Variants in DNMT3A observed in about 807,000 individuals in gnomAD.
The protein encoded by DNMT3A is DNA methyltransferase 3 alpha, also known as DNA (cytosine-5)-methyltransferase 3A.
Under a neutral mutation model 117.6 loss-of-function variants are expected in DNMT3A, and 267 were observed. The ratio of observed to expected loss-of-function variants is 2.27; its 90% confidence interval spans 2.05 to 2.51. DNMT3A has a LOEUF of 2.51. Among genes scored for constraint, DNMT3A ranks in the 30% most tolerant of loss-of-function variants. The pLI, the probability that DNMT3A is intolerant of heterozygous loss-of-function variation, is 0.00. For missense variants in DNMT3A, 1,029 were observed against 1,260.2 expected (o/e 0.82, Z 2.78); for synonymous variants, 432 against 474.8 (o/e 0.91, Z 1.17).
chr2:25,282,047 G>T lies in DNMT3A; in HGVS notation c.448+394C>A. ...GAGAGTAAGCAGGCCAGGTAGAGCTGCAGAAAACTAAGGCCCACAACCAGC... is the reference window on the plus strand; with the variant it reads ...GAGAGTAAGCAGGCCAGGTAGAGCTTCAGAAAACTAAGGCCCACAACCAGC... On this transcript the variant is annotated intron_variant, in intron 4 of 22. Transcript: ENST00000321117. This position sits in a 1 kb window ranked among gnomAD's most constrained non-coding sequence, Gnocchi z 5.2. The T allele has an allele frequency of 8.6e-7, 1 of 1,160,234 alleles. No individual in the cohort carries two copies. The highest frequency in any genetic ancestry group is 1.1e-6 in the Non-Finnish European group (1 of 935,280). 71.9% of individuals were successfully genotyped at this position (1,160,234 alleles called of 1,614,324 possible). A position where few individuals can be genotyped will look rare whatever the true frequency, so the allele number is the denominator to read the frequency against.
At chr2:25,259,822 G>C (rs749238287) in intron 6 of DNMT3A, among the ~76,000 whole-genome samples, 6 of 152,166 alleles carry the variant, frequency 3.9e-5, no homozygotes, top group Non-Finnish European at 8.8e-5. Flanking sequence ...AGGGTCCAAA[G>C]AGAAGACTCC....
At chr2:25,235,009 T>C (rs1201785725) in intron 22 of DNMT3A, among the ~76,000 whole-genome samples, 1 of 152,092 alleles carries the variant, frequency 6.6e-6, no homozygotes, top group African/African-American at 2.4e-5. Context: ...GAAAGTCCCA[T>C]TTGCATCAAA....
chr2:25,247,235 G>A lies in DNMT3A; in HGVS notation c.1015-77C>T. On this transcript the variant is annotated intron_variant, in intron 8 of 22. Coordinates refer to ENST00000321117, the MANE Select transcript of DNMT3A (RefSeq NM_022552.5). This position sits in a 1 kb window ranked among gnomAD's most constrained non-coding sequence, Gnocchi z 5.6. ...CACCCCATGCCTTGCAACTGGCAGGGGCTGGGAGCCTCGAGAGTCAGTCTC... is the reference window on the plus strand; with the variant it reads ...CACCCCATGCCTTGCAACTGGCAGGAGCTGGGAGCCTCGAGAGTCAGTCTC... The A allele has an allele frequency of 1.4e-6, 2 of 1,448,740 alleles. No homozygotes were observed. Among genetic ancestry groups the A allele is most frequent in the Non-Finnish European group, 1.9e-6 (2 of 1,044,792 alleles). The allele number at this position is 1,448,740 out of a possible 1,614,324, so 89.7% of individuals were successfully genotyped here.
intron 2 of DNMT3A, among the ~76,000 whole-genome samples, chr2:25,303,209 A>G (rs2033610772): frequency 6.6e-6 from 1 of 152,242 alleles, no homozygotes; most frequent in Non-Finnish European, 1.5e-5. Context: ...GAGATGTGAA[A>G]GCCAACCAGA....
At chr2:25,279,397 C>T (rs187439868) in intron 4 of DNMT3A, among the ~76,000 whole-genome samples, 2 of 152,338 alleles carry the variant, frequency 1.3e-5, no homozygotes, top group Non-Finnish European at 2.9e-5. Context: ...CACATCCTCT[C>T]CGGGGCCTTA....
intron 1 of DNMT3A, among the ~76,000 whole-genome samples, chr2:25,329,495 A>T (rs1373789828): frequency 6.6e-6 from 1 of 152,122 alleles, no homozygotes; most frequent in Non-Finnish European, 1.5e-5. Flanking sequence ...GCTTCAGACC[A>T]CACTTCAGAG....
chr2:25,237,086 C>T lies in DNMT3A; in HGVS notation c.2409-81G>A. ...CCCCAGCTGCACGACTCCCCTCCCT[C>T]CCCCAGCAGCCACTAGTTCACAGGG... On this transcript the variant is annotated intron_variant, in intron 20 of 22. Transcript: ENST00000321117. The surrounding 1 kb of genome is among the most constrained non-coding windows in gnomAD (Gnocchi z 5.4). 1.4e-6 allele frequency: 2 copies of T among 1,393,126 alleles called. No homozygotes were observed. Among genetic ancestry groups the T allele is most frequent in the East Asian group, 2.3e-5 (1 of 42,956 alleles). The allele number at this position is 1,393,126 out of a possible 1,614,324, so 86.3% of individuals were successfully genotyped here.
In DNMT3A at chr2:25,286,139, T is replaced by A. The variant is rs1171882627; in HGVS notation, c.178-3428A>T. On this transcript the variant is annotated intron_variant, in intron 3 of 22. Transcript: ENST00000321117. This position sits in a 1 kb window ranked among gnomAD's most constrained non-coding sequence, Gnocchi z 4.3. ...CACTCACTTCCTGCCTGGGACCACA[T>A]GGCCTCCTCTCATGCTGGGACTCAC... Among the ~76,000 whole-genome samples, 1 of 152,186 alleles carries A rather than the reference T, an allele frequency of 6.6e-6. No homozygotes were observed. The highest frequency in any genetic ancestry group is 2.1e-4 in the South Asian group (1 of 4,834).
intron 9 of DNMT3A, 91 bp from the exon 10 acceptor site, chr2:25,246,867 G>A: frequency 5.1e-6 from 8 of 1,562,106 alleles, no homozygotes; most frequent in Non-Finnish European, 6.1e-6. Context: ...TAGTGAGGGT[G>A]GCACAGGCAA....
rs146610591 is a variant in DNMT3A, at chr2:25,286,968, G to A, written c.178-4257C>T. 1.6e-3 allele frequency among the ~76,000 whole-genome samples: 244 copies of A among 152,332 alleles called. 2 individuals are homozygous for A. Among genetic ancestry groups the A allele is most frequent in the African/African-American group, 5.4e-3 (226 of 41,572 alleles). ...GGAGGGCAGAGACTTTGCTCGATCCGGCTAGACTTAGCAGGGAGTGGGGCA... is the reference window on the plus strand; with the variant it reads ...GGAGGGCAGAGACTTTGCTCGATCCAGCTAGACTTAGCAGGGAGTGGGGCA... On this transcript the variant is annotated intron_variant, in intron 3 of 22. Coordinates refer to ENST00000321117, the MANE Select transcript of DNMT3A (RefSeq NM_022552.5). This position sits in a 1 kb window ranked among gnomAD's most constrained non-coding sequence, Gnocchi z 4.3.
In DNMT3A at chr2:25,272,803, C is replaced by CTTTTTTTTTTT. The variant is rs1217338234; in HGVS notation, c.639+2127_639+2137dup. Among the ~76,000 whole-genome samples, 365 of 130,630 alleles carry CTTTTTTTTTTT rather than the reference C, an allele frequency of 2.8e-3. 2 individuals are homozygous for CTTTTTTTTTTT. Among genetic ancestry groups the CTTTTTTTTTTT allele is most frequent in the African/African-American group, 8.6e-3 (307 of 35,644 alleles). 85.7% of individuals were successfully genotyped at this position (130,630 alleles called of 152,430 possible). A position where few individuals can be genotyped will look rare whatever the true frequency, so the allele number is the denominator to read the frequency against. ...ACCCCCACCCTGTTCTGCACTTTCT[C>CTTTTTTTTTTT]TTTTTTTTTTTTTTTTGAGACGGAA... is the stretch of plus-strand genomic sequence containing the variant. On this transcript the variant is annotated intron_variant, in intron 6 of 22. Coordinates refer to ENST00000321117, the MANE Select transcript of DNMT3A (RefSeq NM_022552.5).
chr2:25,276,253 C>T (rs72810064), intron 4 of DNMT3A, among the ~76,000 whole-genome samples: 4,794 of 152,004 alleles, frequency 0.032, 94 homozygotes, highest in Middle Eastern at 0.065. Context: ...CTGAGCTCAG[C>T]CTTTAATCTA....
Position 25,294,112 on chromosome 2 carries a change from G to A in DNMT3A, c.177+6027C>T, listed in dbSNP as rs980305709. On this transcript the variant is annotated intron_variant, in intron 3 of 22. Transcript: ENST00000321117. The surrounding 1 kb of genome is among the most constrained non-coding windows in gnomAD (Gnocchi z 4.7). ...CCACACCCAGCTCAGCTGGGGTCGG[G>A]GGTGCCTCTCACTTTCCCCTTGACT... Among the ~76,000 whole-genome samples the A allele has an allele frequency of 6.6e-6, 1 of 152,126 alleles. No individual in the cohort carries two copies. Among genetic ancestry groups the A allele is most frequent in the Non-Finnish European group, 1.5e-5 (1 of 68,024 alleles).
intron 6 of DNMT3A, among the ~76,000 whole-genome samples, chr2:25,248,797 C>T (rs1336848751): frequency 6.6e-6 from 1 of 152,182 alleles, no homozygotes; most frequent in Non-Finnish European, 1.5e-5. Context: ...ATTTGCCCGC[C>T]TCAGCCTCCC....
chr2:25,252,172 G>A lies in DNMT3A; in HGVS notation c.640-3920C>T, dbSNP rs751830072. ...CCGCCTCCCCGCCCCCGGTCTCCCC[G>A]GGGCTCCGTCCAGGAACCTACCCAT... is the stretch of plus-strand genomic sequence containing the variant. On this transcript the variant is annotated intron_variant, in intron 6 of 22. Transcript: ENST00000321117. The surrounding 1 kb of genome is among the most constrained non-coding windows in gnomAD (Gnocchi z 5.5). 6.4e-6 allele frequency: 10 copies of A among 1,560,902 alleles called. No homozygotes were observed. Among genetic ancestry groups the A allele is most frequent in the South Asian group, 1.2e-5 (1 of 84,334 alleles).
At position 25,275,090 on chromosome 2, in the gene DNMT3A, A is replaced by G. The variant is rs1189127343; in HGVS notation, c.493-3T>C. 5.1e-6 allele frequency: 8 copies of G among 1,573,526 alleles called. No individual in the cohort carries two copies. The South Asian group carries it at 9.2e-5, about 18-fold the overall frequency. On this transcript the variant is annotated splice_region_variant and splice_polypyrimidine_tract_variant and intron_variant, in intron 5 of 22. Transcript: ENST00000321117. ...CCCCGCAGCCGGCCCCGGGAGCCCT[A>G]GGACAGAGAGACAGACATTAGGGCA...
rs989739469 is a variant in DNMT3A at position 25,230,381 on chromosome 2, C to T, written c.*3898G>A. On this transcript the variant is annotated 3_prime_UTR_variant, in exon 23 of 23. Coordinates refer to ENST00000321117, the MANE Select transcript of DNMT3A (RefSeq NM_022552.5). The stretch of plus-strand genomic sequence containing the variant: ...CAGCACGAGCACCTGGCTACCTCCC[C>T]CAGGCAAGAGCCACGGATCTCTTTG... 1 of 152,248 alleles carries T rather than the reference C, an allele frequency of 6.6e-6. No homozygotes were observed. The highest frequency in any genetic ancestry group is 1.5e-5 in the Non-Finnish European group (1 of 68,076). 9.4% of individuals were successfully genotyped at this position (152,248 alleles called of 1,614,324 possible).
At chr2:25,242,150 A>G in intron 16 of DNMT3A, 1 of 181,012 alleles carries the variant, frequency 5.5e-6, no homozygotes, top group Non-Finnish European at 1.1e-5. Context: ...CCCACCCAGT[A>G]GCCCCTGGAA....
At chr2:25,279,443 G>C (rs1276252652) in intron 4 of DNMT3A, among the ~76,000 whole-genome samples, 1 of 152,184 alleles carries the variant, frequency 6.6e-6, no homozygotes, top group Non-Finnish European at 1.5e-5. Context: ...AGCTGAGCAT[G>C]TGTTCTATGT....
Sources: allele counts gnomAD v4.1 joint callset (sites outside exome capture counted in the v4.1 genomes callset), GRCh38; gene constraint gnomAD v4.1.1; non-coding constraint Gnocchi (gnomAD v3.1); transcripts MANE v1.5; gene names NCBI Gene and HGNC (gene_info 2026-07-23, HGNC 2026-07-21).